Variants in PITRM1 observed in about 807,000 individuals in gnomAD.
PITRM1 encodes pitrilysin metallopeptidase 1, also known as presequence protease, mitochondrial.
In PITRM1, 100 loss-of-function variants were observed where a neutral mutation model predicts 129.9. The observed-to-expected ratio is 0.77, with a 90% CI of 0.65 to 0.91. The LOEUF is 0.91. Ranked by LOEUF, PITRM1 falls within the 40% of genes least tolerant of loss-of-function variation. The probability of loss-of-function intolerance (pLI) is 0.00; values close to 1 mark genes in which losing one functional copy is unlikely to be tolerated. For missense variants in PITRM1, 1,471 were observed against 1,318.3 expected, an observed-to-expected ratio of 1.12 and a Z score of -1.79; for synonymous variants, 591 against 508.8, an observed-to-expected ratio of 1.16 and a Z score of -2.17.
Position 3,145,670 on chromosome 10 carries a change from CT to C in PITRM1, c.2382del (p.Ala795ArgfsTer59), listed in dbSNP as rs1242537679. 11 of 1,551,238 alleles carry C rather than the reference CT, an allele frequency of 7.1e-6. No homozygotes were observed. The highest frequency in any genetic ancestry group is 7.8e-6 in the Non-Finnish European group (9 of 1,147,080). ...ATGCTTCTAAGGAAGTCTTCGACCG[CT>C]TTTTCTGTCTGAGGCATCTGCTGAG... ...ATPQQMPQTE[K>X]AVEDFLRSIG... On this transcript the variant is annotated frameshift_variant, in exon 21 of 27. Coordinates refer to ENST00000224949, the MANE Select transcript of PITRM1 (RefSeq NM_014889.4). LOFTEE classifies it high-confidence loss of function.
Position 3,166,335 on chromosome 10 carries a change from G to T in PITRM1, c.312C>A (p.His104Gln). Reference sequence around the variant, plus strand: ...CACAAAGGACGGTATGCTCAAGAATGTGAGGAACACCAGTACTGTCCATGG... The same window carrying T: ...CACAAAGGACGGTATGCTCAAGAATTTGAGGAACACCAGTACTGTCCATGG... ...TTPMDSTGVP[H>Q]ILEHTVLCGS... The change falls in exon 4 of 27, where the codon CAC (histidine) becomes CAA (glutamine). Residue 104 changes from histidine (H) to glutamine (Q), a missense_variant. Transcript: ENST00000224949. The T allele has an allele frequency of 6.2e-7, 1 of 1,612,312 alleles. No homozygotes were observed. The highest frequency in any genetic ancestry group is 8.5e-7 in the Non-Finnish European group (1 of 1,178,344).
At chr10:3,164,173 T>C (rs4620624) in intron 6 of PITRM1, 122,963 of 177,046 alleles carry the variant, frequency 0.69, 42,822 homozygotes, top group East Asian at 0.74. Context: ...TAAATCGGGA[T>C]GGATCAGTCG....
At chr10:3,157,164 A>T (rs1588686399) in intron 12 of PITRM1, 100 bp from the exon 13 acceptor site, 1 of 1,077,198 alleles carries the variant, frequency 9.3e-7, no homozygotes, top group East Asian at 2.7e-5. Flanking sequence ...TCTGTATTTA[A>T]ATATACCACA....
chr10:3,150,090 G>A (rs142241402), intron 15 of PITRM1, among the ~76,000 whole-genome samples: 115 of 150,482 alleles, frequency 7.6e-4, no homozygotes, highest in African/African-American at 2.5e-3. Flanking sequence ...CATCGCACCC[G>A]TCCTCAGCGC....
chr10:3,149,171 G>A (rs1271659135), intron 16 of PITRM1: 1 of 153,636 alleles, frequency 6.5e-6, no homozygotes. Flanking sequence ...AAAAAGTCAA[G>A]TGTTGATGTG....
Position 3,138,020 on chromosome 10 carries a change from G to A in PITRM1, c.*11C>T, listed in dbSNP as rs41314620. 0.012 allele frequency: 18,320 copies of A among 1,553,198 alleles called. 147 individuals are homozygous for A. Among genetic ancestry groups the A allele is most frequent in the Non-Finnish European group, 0.014 (15,882 of 1,132,100 alleles). On this transcript the variant is annotated 3_prime_UTR_variant, in exon 27 of 27. Coordinates refer to ENST00000224949, the MANE Select transcript of PITRM1 (RefSeq NM_014889.4). Reference sequence around the variant, plus strand: ...GTCTCGGGCTCCTGTGCAGTCGAGCGCCACGGCTGCTCATTGGATGATCCA... The same window carrying A: ...GTCTCGGGCTCCTGTGCAGTCGAGCACCACGGCTGCTCATTGGATGATCCA...
At chr10:3,155,852 A>G (rs940166138) in intron 13 of PITRM1, 123 bp from the exon 14 acceptor site, 10 of 1,103,962 alleles carry the variant, frequency 9.1e-6, no homozygotes, top group Non-Finnish European at 1.3e-5. Flanking sequence ...CTTTAAAAAT[A>G]GTAATAATAG....
Position 3,163,824 on chromosome 10 carries a change from T to C in PITRM1, c.692A>G (p.Tyr231Cys), listed in dbSNP as rs1842650654. The change falls in exon 7 of 27, where the codon TAC becomes TGC. Residue 231 changes from tyrosine (Y) to cysteine (C), a missense_variant. Coordinates refer to ENST00000224949, the MANE Select transcript of PITRM1 (RefSeq NM_014889.4). ...LQNRLLPDHT[Y>C]SVVSGGDPLC... is the part of the protein sequence containing the mutation. The stretch of plus-strand genomic sequence containing the variant: ...TGGGTCACCCCCGGAGACCACTGAG[T>C]ACGTGTGGTCAGGAAGAAGTCTGTT... 1 of 1,610,732 alleles carries C rather than the reference T, an allele frequency of 6.2e-7. No individual in the cohort carries two copies. The highest frequency in any genetic ancestry group is 1.7e-5 in the Admixed American group (1 of 59,882).
chr10:3,148,287 C>T lies in PITRM1; in HGVS notation c.1876G>A (p.Gly626Ser). The T allele has an allele frequency of 1.2e-6, 2 of 1,609,340 alleles. No homozygotes were observed. The highest frequency in any genetic ancestry group is 1.7e-6 in the Non-Finnish European group (2 of 1,177,530). ...PLFCSVLTKLGCGLLDYREQA... is the reference protein window; with the variant it reads ...PLFCSVLTKLSCGLLDYREQA... ...TCCCGGTAGTCAAGAAGGCCGCAGC[C>T]CAGCCTGACACAGCAGAGAAGCATC... Residue 626 changes from glycine (G) to serine (S), a missense_variant, in exon 17 of 27, where the codon GGC becomes AGC. Physicochemically the swap from Gly to Ser is moderately conservative, Grantham distance 56. Coordinates refer to ENST00000224949, the MANE Select transcript of PITRM1 (RefSeq NM_014889.4).
intron 2 of PITRM1, 84 bp downstream of exon 2, chr10:3,170,020 G>C: frequency 1.0e-6 from 1 of 996,620 alleles, no homozygotes; most frequent in South Asian, 1.4e-5. Context: ...GCTAGTCTCC[G>C]CCCTGAAGGG....
At chr10:3,162,390 A>C (rs1452261093) in intron 7 of PITRM1, among the ~76,000 whole-genome samples, 1 of 152,196 alleles carries the variant, frequency 6.6e-6, no homozygotes, top group Non-Finnish European at 1.5e-5. Context: ...CGCAAACTCT[A>C]ATAAAGTAAT....
chr10:3,159,487 A>G (rs3814595), intron 9 of PITRM1, among the ~76,000 whole-genome samples: 101,531 of 152,096 alleles, frequency 0.67, 34,157 homozygotes, highest in Non-Finnish European at 0.72. Context: ...TTTGTATGTG[A>G]TATATTTTGC....
Position 3,167,057 on chromosome 10 carries a change from A to G in PITRM1, c.160-15T>C. On this transcript the variant is annotated splice_polypyrimidine_tract_variant and intron_variant, in intron 2 of 26. Transcript: ENST00000224949. ...ACAGATGTCACCTGAGTTAACAAGA[A>G]AAACACGACCAGTTAAACTTAGACA... 1 of 1,511,468 alleles carries G rather than the reference A, an allele frequency of 6.6e-7. No homozygotes were observed. Among genetic ancestry groups the G allele is most frequent in the South Asian group, 1.2e-5 (1 of 85,154 alleles). The allele number at this position is 1,511,468 out of a possible 1,614,324, so 93.6% of individuals were successfully genotyped here.
At chr10:3,166,875 A>G in intron 3 of PITRM1, 61 bp downstream of exon 3, 1 of 1,020,396 alleles carries the variant, frequency 9.8e-7, no homozygotes, top group South Asian at 1.5e-5. Context: ...AGCCAAAAGA[A>G]TGGACATTCC....
rs555972984 is a variant in PITRM1 at position 3,167,664 on chromosome 10, G to A, written c.160-622C>T. Among the ~76,000 whole-genome samples, 143 of 151,994 alleles carry A rather than the reference G, an allele frequency of 9.4e-4. 1 individual carries two copies. The highest frequency in any genetic ancestry group is 2.1e-4 in the South Asian group (1 of 4,804). On this transcript the variant is annotated intron_variant, in intron 2 of 26. Transcript: ENST00000224949. ...AGTGTCTCCTGCTTTTGTGTGCTGC[G>A]CCTCAGTAACACAGCACCCCTTCCA...
chr10:3,156,364 C>T (rs1237582513), intron 13 of PITRM1, among the ~76,000 whole-genome samples: 1 of 152,218 alleles, frequency 6.6e-6, no homozygotes, highest in Non-Finnish European at 1.5e-5. Flanking sequence ...AAATAACTTA[C>T]AACAGCTGAG....
At chr10:3,159,504 G>A (rs1489586321) in intron 9 of PITRM1, among the ~76,000 whole-genome samples, 1 of 152,194 alleles carries the variant, frequency 6.6e-6, no homozygotes, top group African/African-American at 2.4e-5. Context: ...TTGCCGAGGT[G>A]CATGTTCATA....
intron 9 of PITRM1, 47 bp downstream of exon 9, chr10:3,159,801 T>C (rs918577641): frequency 8.8e-7 from 1 of 1,135,018 alleles, no homozygotes; most frequent in Non-Finnish European, 1.3e-6. Context: ...ATAGGAACAT[T>C]TTCCTCATGT....
intron 4 of PITRM1, 102 bp downstream of exon 4, chr10:3,166,127 T>C (rs779103249): frequency 5.0e-4 from 485 of 974,912 alleles, no homozygotes; most frequent in Non-Finnish European, 6.4e-4. Context: ...TTCTAGAACA[T>C]GAATTGCCCA....
Sources: gnomAD v4.1 joint callset for allele counts (sites outside exome capture counted in the v4.1 genomes callset) on GRCh38, gnomAD v4.1.1 for gene constraint, MANE v1.5 for transcripts, NCBI Gene and HGNC (gene_info 2026-07-23, HGNC 2026-07-21) for gene names.